SPIDR: variants seen among roughly 807,000 people sequenced by gnomAD.
The protein encoded by SPIDR is DNA repair-scaffolding protein.
A neutral mutation model predicts 104.6 loss-of-function variants in SPIDR; 93 were observed. The ratio of observed to expected loss-of-function variants is 0.89; its 90% CI spans 0.75 to 1.06. The LOEUF (loss-of-function observed/expected upper bound fraction) is 1.06. Among genes scored for constraint, SPIDR ranks in the 50% least tolerant of loss-of-function variants. The pLI is 0.00. For missense variants in SPIDR, 1,154 were observed against 1,111.2 expected, an observed-to-expected ratio of 1.04 and a Z score of -0.55; for synonymous variants, 431 against 416.9, an observed-to-expected ratio of 1.03 and a Z score of -0.41.
intron 17 of SPIDR, 69 bp from the exon 18 acceptor site, chr8:47,728,864 T>C: frequency 6.6e-7 from 1 of 1,522,566 alleles, no homozygotes. Context: ...TAAGAAAATG[T>C]CTCCCACTGG....
chr8:47,680,504 C>T (rs922811205), intron 11 of SPIDR, among the ~76,000 whole-genome samples: 13 of 152,118 alleles, frequency 8.5e-5, no homozygotes, highest in African/African-American at 2.9e-4. Flanking sequence ...TTTACTGGGC[C>T]GGGTTATGTA....
At chr8:47,441,626 T>G (rs1554697106) in intron 8 of SPIDR, among the ~76,000 whole-genome samples, 1 of 152,202 alleles carries the variant, frequency 6.6e-6, no homozygotes, top group East Asian at 1.9e-4. Context: ...TTGCTTTGTT[T>G]TTGATGAGCA....
rs535876123 is a variant in SPIDR, at chr8:47,490,420, T to C, written c.1097+49878T>C. ...TGGTGGGACTAAACTGGTTCAACCA[T>C]TGTGGAAGACAGTGTGGCGATTCCT... On this transcript the variant is annotated intron_variant, in intron 8 of 19. Coordinates refer to ENST00000297423, the MANE Select transcript of SPIDR (RefSeq NM_001080394.4). 6.6e-5 allele frequency among the ~76,000 whole-genome samples: 10 copies of C among 152,268 alleles called. No individual in the cohort carries two copies. The East Asian group carries it at 1.9e-3, about 29-fold the overall frequency.
intron 3 of SPIDR, among the ~76,000 whole-genome samples, chr8:47,287,145 G>C (rs1274127715): frequency 1.3e-5 from 2 of 152,080 alleles, no homozygotes; most frequent in Non-Finnish European, 2.9e-5. Flanking sequence ...AAAAGGGGAG[G>C]GGGTGTACGA....
chr8:47,718,190 A>G (rs1308331697), intron 16 of SPIDR, among the ~76,000 whole-genome samples: 2 of 152,326 alleles, frequency 1.3e-5, no homozygotes, highest in East Asian at 1.9e-4. Flanking sequence ...TACTAAAGCT[A>G]CGTGCTTGCC....
At chr8:47,315,784 G>C (rs782413606) in intron 5 of SPIDR, among the ~76,000 whole-genome samples, 26 of 152,116 alleles carry the variant, frequency 1.7e-4, no homozygotes, top group South Asian at 6.2e-4. Context: ...AATAAAAAGT[G>C]CTGGAACAAC....
intron 8 of SPIDR, among the ~76,000 whole-genome samples, chr8:47,534,037 G>A (rs975923266): frequency 3.3e-5 from 5 of 152,184 alleles, no homozygotes; most frequent in Non-Finnish European, 2.9e-5. Context: ...TTCCTGTGCT[G>A]TTCTAGTGAT....
At chr8:47,406,871 C>G (rs2062832506) in intron 6 of SPIDR, among the ~76,000 whole-genome samples, 1 of 152,102 alleles carries the variant, frequency 6.6e-6, no homozygotes, top group African/African-American at 2.4e-5. Flanking sequence ...GCAGTGGGTA[C>G]TGATATCTGT....
At chr8:47,290,678 T>G (rs2039748035) in intron 3 of SPIDR, among the ~76,000 whole-genome samples, 1 of 152,234 alleles carries the variant, frequency 6.6e-6, no homozygotes, top group Non-Finnish European at 1.5e-5. Flanking sequence ...ACTTTGTGTT[T>G]TGCATTTTAA....
At chr8:47,384,604 ACT>A (rs2059675334) in intron 5 of SPIDR, among the ~76,000 whole-genome samples, 3 of 152,048 alleles carry the variant, frequency 2.0e-5, no homozygotes, top group African/African-American at 7.2e-5. Context: ...CCTTGAAGAA[ACT>A]CTGCTAGTTA....
At chr8:47,317,139 C>T (rs1330658512) in intron 5 of SPIDR, among the ~76,000 whole-genome samples, 4 of 152,086 alleles carry the variant, frequency 2.6e-5, no homozygotes, top group Non-Finnish European at 4.4e-5. Context: ...CAGCGTGAGC[C>T]GAAGCAGGGC....
intron 8 of SPIDR, among the ~76,000 whole-genome samples, chr8:47,486,812 T>TTGTCTGTAAAG (rs1554731681): frequency 2.0e-5 from 3 of 152,164 alleles, no homozygotes; most frequent in Non-Finnish European, 4.4e-5. Context: ...AGAGATTTTG[T>TTGTCTGTAAAG]CACCACCAGG....
intron 9 of SPIDR, among the ~76,000 whole-genome samples, chr8:47,596,784 G>C (rs900632781): frequency 1.3e-5 from 2 of 151,926 alleles, no homozygotes; most frequent in African/African-American, 4.8e-5. Flanking sequence ...CAAATACATT[G>C]TACAGCTATA....
chr8:47,386,847 A>G (rs2059960509), intron 5 of SPIDR, among the ~76,000 whole-genome samples: 1 of 151,802 alleles, frequency 6.6e-6, no homozygotes, highest in Non-Finnish European at 1.5e-5. Context: ...CTCATGTTCC[A>G]GAAAATAAGG....
intron 5 of SPIDR, among the ~76,000 whole-genome samples, chr8:47,326,028 G>C (rs2047603051): frequency 6.6e-6 from 1 of 151,846 alleles, no homozygotes; most frequent in Non-Finnish European, 1.5e-5. Flanking sequence ...GTCTGGCTTT[G>C]TTTCTCACAA....
At chr8:47,623,650 CA>C (rs1563343963) in intron 10 of SPIDR, among the ~76,000 whole-genome samples, 1 of 152,148 alleles carries the variant, frequency 6.6e-6, no homozygotes, top group Non-Finnish European at 1.5e-5. Flanking sequence ...AAGGCCATTA[CA>C]TAATGGTAAA....
intron 8 of SPIDR, among the ~76,000 whole-genome samples, chr8:47,522,635 A>T (rs2084350955): frequency 6.6e-6 from 1 of 152,194 alleles, no homozygotes; most frequent in Admixed American, 6.5e-5. Context: ...ACACAATGTC[A>T]CTGTGTGGGA....
intron 5 of SPIDR, among the ~76,000 whole-genome samples, chr8:47,380,564 GCTGT>G (rs1212622758): frequency 1.3e-5 from 2 of 151,876 alleles, no homozygotes; most frequent in Non-Finnish European, 2.9e-5. Flanking sequence ...CTCTTGCCCC[GCTGT>G]CTGTCATTTC....
chr8:47,432,851 A>G (rs1252838753), intron 7 of SPIDR, among the ~76,000 whole-genome samples: 2 of 152,200 alleles, frequency 1.3e-5, no homozygotes, highest in African/African-American at 2.4e-5. Flanking sequence ...GGTGGCTATC[A>G]TTACATCTAC....
Sources: allele counts gnomAD v4.1 joint callset (sites outside exome capture counted in the v4.1 genomes callset), GRCh38; gene constraint gnomAD v4.1.1; transcripts MANE v1.5; gene names NCBI Gene and HGNC (gene_info 2026-07-23, HGNC 2026-07-21).